The following CDH19 variants were observed in gnomAD, a reference collection of about 807,000 sequenced individuals.
CDH19 encodes the protein cadherin-19.
Under a neutral mutation model 64.2 loss-of-function variants are expected in CDH19, and 67 were observed. The observed-to-expected ratio is 1.04, with a 90% confidence interval of 0.86 to 1.28. The LOEUF is 1.28. Among genes scored for constraint, CDH19 ranks in the 50% most tolerant of loss-of-function variants. The probability of loss-of-function intolerance (pLI) is 0.00; values close to 1 mark genes in which losing one functional copy is unlikely to be tolerated. For synonymous variants in CDH19, 346 were observed against 319.3 expected, an observed-to-expected ratio of 1.08 and a Z score of -0.89; for missense variants, 1,030 against 929.0, an observed-to-expected ratio of 1.11 and a Z score of -1.41.
chr18:66,595,120 A>G (rs954023698), intron 1 of CDH19, among the ~76,000 whole-genome samples: 5 of 152,024 alleles, frequency 3.3e-5, no homozygotes, highest in African/African-American at 1.2e-4. Flanking sequence ...AAATTAAGGC[A>G]GAAAGGAAGA....
At chr18:66,577,606 G>A (rs1316269113) in intron 1 of CDH19, among the ~76,000 whole-genome samples, 1 of 151,792 alleles carries the variant, frequency 6.6e-6, no homozygotes, top group African/African-American at 2.4e-5. Context: ...AATTTCTTTG[G>A]CAAAGATTTC....
intron 11 of CDH19, 46 bp from the exon 12 acceptor site, chr18:66,505,348 T>G: frequency 7.1e-7 from 1 of 1,403,608 alleles, no homozygotes; most frequent in Non-Finnish European, 9.5e-7. Context: ...ATAAAGAGTA[T>G]TATAAACATT....
intron 1 of CDH19, among the ~76,000 whole-genome samples, chr18:66,585,972 AT>A (rs2144614651): frequency 6.6e-6 from 1 of 152,242 alleles, no homozygotes; most frequent in South Asian, 2.1e-4. Context: ...GGGATGAAAA[AT>A]ATTATAATCT....
chr18:66,507,482 A>C (rs992046188), intron 11 of CDH19, among the ~76,000 whole-genome samples: 2 of 151,864 alleles, frequency 1.3e-5, no homozygotes, highest in African/African-American at 2.4e-5. Flanking sequence ...AGCAGAGTTT[A>C]GACTATATAT....
At chr18:66,554,732 T>C (rs529119258) in intron 3 of CDH19, among the ~76,000 whole-genome samples, 1 of 152,060 alleles carries the variant, frequency 6.6e-6, no homozygotes, top group East Asian at 1.9e-4. Context: ...ATACAAAATA[T>C]TCCTAATTCC....
At chr18:66,509,511 T>G (rs1316096501) in intron 10 of CDH19, among the ~76,000 whole-genome samples, 1 of 151,736 alleles carries the variant, frequency 6.6e-6, no homozygotes, top group Admixed American at 6.6e-5. Flanking sequence ...AAATATTGAG[T>G]TGATACTACT....
Position 66,543,975 on chromosome 18 carries a change from TAGG to T in CDH19, c.1207_1209del (p.Pro403del), listed in dbSNP as rs771213185. 8.1e-6 allele frequency: 13 copies of T among 1,610,204 alleles called. No homozygotes were observed. Among genetic ancestry groups the T allele is most frequent in the South Asian group, 3.3e-5 (3 of 90,822 alleles). On this transcript the variant is annotated inframe_deletion, in exon 7 of 12. Transcript: ENST00000262150. ...AAACTGACCTTACAGACATACCTGA[TAGG>T]AGATTTCCTATTGTCTGGGTCTGTG...
chr18:66,548,019 T>A (rs1273624151), intron 5 of CDH19, among the ~76,000 whole-genome samples: 1 of 147,520 alleles, frequency 6.8e-6, no homozygotes, highest in Non-Finnish European at 1.5e-5. Context: ...TATATGTGCA[T>A]TATATACTAT....
At chr18:66,513,785 G>A (rs962620951) in intron 9 of CDH19, among the ~76,000 whole-genome samples, 3 of 151,438 alleles carry the variant, frequency 2.0e-5, no homozygotes, top group Admixed American at 6.6e-5. Flanking sequence ...AACAGCCATG[G>A]CTTGAGAGAT....
At chr18:66,526,310 A>G (rs745382730) in intron 9 of CDH19, among the ~76,000 whole-genome samples, 3 of 152,134 alleles carry the variant, frequency 2.0e-5, no homozygotes, top group Non-Finnish European at 4.4e-5. Flanking sequence ...TTTTCCATAA[A>G]GCTTTACATT....
chr18:66,512,447 T>C lies in CDH19; in HGVS notation c.1459-762A>G, dbSNP rs1015182646. On this transcript the variant is annotated intron_variant, in intron 9 of 11. Transcript: ENST00000262150. ...ATTAAAGTAAATTGATTATAGAAGT[T>C]ATTGTTTCGAATTTTCTACAATTAA... Among the ~76,000 whole-genome samples the C allele has an allele frequency of 1.1e-4, 16 of 151,508 alleles. No homozygotes were observed. The Admixed American group carries it at 1.1e-3, about 10-fold the overall frequency.
Position 66,551,081 on chromosome 18 carries a change from C to G in CDH19, c.775+13G>C. The G allele has an allele frequency of 7.1e-7, 1 of 1,402,978 alleles. No individual in the cohort carries two copies. The highest frequency in any genetic ancestry group is 1.0e-6 in the Non-Finnish European group (1 of 996,720). 86.9% of individuals were successfully genotyped at this position (1,402,978 alleles called of 1,614,324 possible). The stretch of plus-strand genomic sequence containing the variant: ...TTATAATGTAATGAAGATGTAGAAT[C>G]CTTTTTACTTACTTTCTTTAAATAT... On this transcript the variant is annotated intron_variant, in intron 5 of 11. Coordinates refer to ENST00000262150, the MANE Select transcript of CDH19 (RefSeq NM_021153.4).
At chr18:66,548,020 T>G (rs1987194327) in intron 5 of CDH19, among the ~76,000 whole-genome samples, 1 of 147,476 alleles carries the variant, frequency 6.8e-6, no homozygotes, top group South Asian at 2.1e-4. Context: ...ATATGTGCAT[T>G]ATATACTATA....
At chr18:66,545,401 C>T (rs990226822) in intron 5 of CDH19, among the ~76,000 whole-genome samples, 30 of 120,264 alleles carry the variant, frequency 2.5e-4, no homozygotes, top group African/African-American at 1.0e-3. Context: ...TCTTTCTTTC[C>T]TTCCTTCCTT....
At chr18:66,530,982 C>T (rs1020399423) in intron 8 of CDH19, among the ~76,000 whole-genome samples, 2 of 152,146 alleles carry the variant, frequency 1.3e-5, no homozygotes, top group African/African-American at 2.4e-5. Context: ...AATGTTCACA[C>T]AGCCTCTCAC....
At chr18:66,560,354 C>T (rs939629616) in intron 3 of CDH19, among the ~76,000 whole-genome samples, 1 of 151,912 alleles carries the variant, frequency 6.6e-6, no homozygotes, top group Admixed American at 6.6e-5. Flanking sequence ...GCAAGGTCAG[C>T]TTGATATCTC....
rs1203539653 is a variant in CDH19, at chr18:66,526,974, G to A, written c.1458+2871C>T. The stretch of plus-strand genomic sequence containing the variant: ...GTAATATTTGAATAAGTGTTATAAA[G>A]ATAATTTCAAAATCAGGGATAGTTT... On this transcript the variant is annotated intron_variant, in intron 9 of 11. Transcript: ENST00000262150. Among the ~76,000 whole-genome samples, 3 of 151,070 alleles carry A rather than the reference G, an allele frequency of 2.0e-5. No individual in the cohort carries two copies. The East Asian group carries it at 5.8e-4, about 29-fold the overall frequency.
chr18:66,557,938 A>T (rs1987579781), intron 3 of CDH19, among the ~76,000 whole-genome samples: 1 of 151,610 alleles, frequency 6.6e-6, no homozygotes, highest in African/African-American at 2.4e-5. Context: ...CTTATCTCTG[A>T]TTCTCTAGTT....
intron 9 of CDH19, among the ~76,000 whole-genome samples, chr18:66,518,308 A>T (rs1426863634): frequency 6.6e-6 from 1 of 152,024 alleles, no homozygotes; most frequent in African/African-American, 2.4e-5. Flanking sequence ...ATCTCGGCTC[A>T]CTACAACCTC....
Sources: gnomAD v4.1 joint callset for allele counts (sites outside exome capture counted in the v4.1 genomes callset) on GRCh38, gnomAD v4.1.1 for gene constraint, MANE v1.5 for transcripts, NCBI Gene and HGNC (gene_info 2026-07-23, HGNC 2026-07-21) for gene names.